SIGLEC7: variants seen among roughly 807,000 people sequenced by gnomAD.
SIGLEC7 encodes sialic acid binding Ig like lectin 7.
Under a neutral mutation model 40.8 loss-of-function variants are expected in SIGLEC7, and 33 were observed. That is an observed-to-expected ratio of 0.81 (90% CI 0.61 to 1.08). The LOEUF is 1.08. SIGLEC7 is among the 50% of genes least tolerant of loss of function. The pLI, the probability that SIGLEC7 is intolerant of heterozygous loss-of-function variation, is 0.00. For missense variants in SIGLEC7, 513 were observed against 576.1 expected (o/e 0.89, Z 1.12); for synonymous variants, 242 against 237.6 (o/e 1.02, Z -0.17).
At chr19:51,150,358 G>A (rs1050750683) in intron 6 of SIGLEC7, among the ~76,000 whole-genome samples, 7 of 152,164 alleles carry the variant, frequency 4.6e-5, no homozygotes, top group Non-Finnish European at 1.0e-4. Flanking sequence ...AACACGAAGC[G>A]ATGCTGAATT....
In SIGLEC7 at chr19:51,147,212, T is replaced by C. The variant is rs747091595; in HGVS notation, c.1125-9T>C. 2 of 1,611,936 alleles carry C rather than the reference T, an allele frequency of 1.2e-6. No homozygotes were observed. Among genetic ancestry groups the C allele is most frequent in the East Asian group, 4.5e-5 (2 of 44,790 alleles). ...CCACACTGAAAGGCTCTCTGGTCTCTTCACTCAGAGTGAGGTCCTGCAGGA... is the reference window on the plus strand; with the variant it reads ...CCACACTGAAAGGCTCTCTGGTCTCCTCACTCAGAGTGAGGTCCTGCAGGA... On this transcript the variant is annotated splice_polypyrimidine_tract_variant and intron_variant, in intron 5 of 6. Coordinates refer to ENST00000317643, the MANE Select transcript of SIGLEC7 (RefSeq NM_014385.4).
chr19:51,145,177 G>A lies in SIGLEC7; in HGVS notation c.760+218G>A, dbSNP rs1037461421. ...TTGCACACACACCCTCCTCAGCCCT[G>A]CAGCCAGGACAGGGGGAAATACATA... On this transcript the variant is annotated intron_variant, in intron 3 of 6. Transcript: ENST00000317643. The surrounding 1 kb of genome is among the most constrained non-coding windows in gnomAD (Gnocchi z 4.3). 2.0e-5 allele frequency among the ~76,000 whole-genome samples: 3 copies of A among 152,140 alleles called. No individual in the cohort carries two copies. The highest frequency in any genetic ancestry group is 4.1e-4 in the South Asian group (2 of 4,832).
chr19:51,153,497 A>G lies in SIGLEC7; in HGVS notation c.*252A>G. 3.4e-6 allele frequency: 1 copy of G among 291,952 alleles called. No homozygotes were observed. The highest frequency in any genetic ancestry group is 5.5e-5 in the East Asian group (1 of 18,298). The allele number at this position is 291,952 out of a possible 1,614,324, so 18.1% of individuals were successfully genotyped here. On this transcript the variant is annotated 3_prime_UTR_variant, in exon 7 of 7. Coordinates refer to ENST00000317643, the MANE Select transcript of SIGLEC7 (RefSeq NM_014385.4). ...GTACTTCTCTAAGGATGACTACTTTAGATTCCGAATATAGTGAGATTGTAA... is the reference window on the plus strand; with the variant it reads ...GTACTTCTCTAAGGATGACTACTTTGGATTCCGAATATAGTGAGATTGTAA...
intron 6 of SIGLEC7, among the ~76,000 whole-genome samples, chr19:51,149,001 C>T (rs922620979): frequency 1.3e-5 from 2 of 152,200 alleles, no homozygotes; most frequent in African/African-American, 2.4e-5. Context: ...CCTTTGCTCA[C>T]TTTTTAATGG....
At position 51,142,627 on chromosome 19, in the gene SIGLEC7, A is replaced by G. The variant is rs776820710; in HGVS notation, c.258A>G (p.Ala86=). 1 of 1,614,100 alleles carries G rather than the reference A, an allele frequency of 6.2e-7. No homozygotes were observed. Among genetic ancestry groups the G allele is most frequent in the African/African-American group, 1.3e-5 (1 of 74,934 alleles). ...TGGCCACAAACAACCCAGCTTGGGC[A>G]GTGCAGGAGGAAACTCGGGACCGAT... ...APVATNNPAW[A]VQEETRDRFH... Residue 86 remains alanine, a synonymous_variant, in exon 1 of 7, where the codon GCA becomes GCG. Coordinates refer to ENST00000317643, the MANE Select transcript of SIGLEC7 (RefSeq NM_014385.4). The surrounding 1 kb of genome is among the most constrained non-coding windows in gnomAD (Gnocchi z 5.0).
chr19:51,149,090 A>G (rs1040220092), intron 6 of SIGLEC7, among the ~76,000 whole-genome samples: 3 of 152,212 alleles, frequency 2.0e-5, no homozygotes, highest in African/African-American at 7.2e-5. Context: ...CATAGTTTGC[A>G]AGTATTTTCT....
At position 51,142,405 on chromosome 19, in the gene SIGLEC7, G is replaced by T. The variant is rs1422286644; in HGVS notation, c.36G>T (p.Gly12=). ...TGCTGCTGCTGCCCCTGCTCTGGGGGAGGGAGAGGGTGGAAGGACAGAAGA... is the reference window on the plus strand; with the variant it reads ...TGCTGCTGCTGCCCCTGCTCTGGGGTAGGGAGAGGGTGGAAGGACAGAAGA... The part of the protein sequence containing the change: ...LLLLLLPLLW[G]RERVEGQKSN... The change falls in exon 1 of 7, where the codon GGG becomes GGT. Residue 12 remains glycine (G), a synonymous_variant. Transcript: ENST00000317643. This position sits in a 1 kb window ranked among gnomAD's most constrained non-coding sequence, Gnocchi z 5.0. 6.8e-6 allele frequency: 11 copies of T among 1,613,972 alleles called. No individual in the cohort carries two copies. Among genetic ancestry groups the T allele is most frequent in the Admixed American group, 3.3e-5 (2 of 59,988 alleles).
chr19:51,144,668 C>T lies in SIGLEC7; in HGVS notation c.696C>T (p.Ile232=). ...CCGGCGTGACCACGAACAGGACCAT[C>T]CAACTCAATGTGTCCTGTGAGTGCT... ...PGAGVTTNRT[I]QLNVSYPPQN... is the part of the protein sequence containing the mutation. The change falls in exon 2 of 7, where the codon ATC becomes ATT. Residue 232 remains isoleucine, a synonymous_variant. Transcript: ENST00000317643. 6.2e-7 allele frequency: 1 copy of T among 1,613,556 alleles called. No individual in the cohort carries two copies. The highest frequency in any genetic ancestry group is 8.5e-7 in the Non-Finnish European group (1 of 1,179,942).
intron 2 of SIGLEC7, 111 bp from the exon 3 acceptor site, chr19:51,144,801 G>A: frequency 6.3e-7 from 1 of 1,577,142 alleles, no homozygotes; most frequent in Non-Finnish European, 8.7e-7. Context: ...GCTGGTTGTG[G>A]GATCAGGAGG....
At chr19:51,144,119 G>A (rs534562619) in intron 1 of SIGLEC7, 36 of 698,296 alleles carry the variant, frequency 5.2e-5, no homozygotes, top group South Asian at 4.6e-4. Context: ...CAGGAAGGGG[G>A]ATTTGAGGAA....
rs368772323 is a variant in SIGLEC7, at chr19:51,151,928, G to A, written c.1222-1135G>A. On this transcript the variant is annotated intron_variant, in intron 6 of 6. Transcript: ENST00000317643. ...AGCAGGGAAGGGCTGCGATGAAGGA[G>A]GACCCTCCCAGGCAGCCTCTGTCAC... Among the ~76,000 whole-genome samples the A allele has an allele frequency of 5.9e-5, 9 of 152,342 alleles. No homozygotes were observed. The South Asian group carries it at 1.9e-3, about 32-fold the overall frequency.
At position 51,145,095 on chromosome 19, in the gene SIGLEC7, C is replaced by A; in HGVS notation, c.760+136C>A. On this transcript the variant is annotated intron_variant, in intron 3 of 6. Coordinates refer to ENST00000317643, the MANE Select transcript of SIGLEC7 (RefSeq NM_014385.4). This position sits in a 1 kb window ranked among gnomAD's most constrained non-coding sequence, Gnocchi z 4.3. ...GTTGAACCCAGGCCTCCTCCCCATCCTTAGCCTCTGTGGCCACCTGAGCAC... is the reference window on the plus strand; with the variant it reads ...GTTGAACCCAGGCCTCCTCCCCATCATTAGCCTCTGTGGCCACCTGAGCAC... 1 of 845,260 alleles carries A rather than the reference C, an allele frequency of 1.2e-6. No individual in the cohort carries two copies. Among genetic ancestry groups the A allele is most frequent in the Non-Finnish European group, 2.0e-6 (1 of 510,614 alleles). The allele number at this position is 845,260 out of a possible 1,614,324, so 52.4% of individuals were successfully genotyped here. A position where few individuals can be genotyped will look rare whatever the true frequency, so the allele number is the denominator to read the frequency against.
At position 51,142,370 on chromosome 19, in the gene SIGLEC7, A is replaced by ATGCTGC. The variant is rs111848841; in HGVS notation, c.17_22dup (p.Leu6_Leu7dup). The ATGCTGC allele has an allele frequency of 3.5e-5, 57 of 1,612,522 alleles. No homozygotes were observed. Among genetic ancestry groups the ATGCTGC allele is most frequent in the African/African-American group, 3.2e-4 (24 of 74,982 alleles). On this transcript the variant is annotated inframe_insertion, in exon 1 of 7. Coordinates refer to ENST00000317643, the MANE Select transcript of SIGLEC7 (RefSeq NM_014385.4). This position sits in a 1 kb window ranked among gnomAD's most constrained non-coding sequence, Gnocchi z 5.0. ...GGCCCTGGCACCTCCAACCCCAGAT[A>ATGCTGC]TGCTGCTGCTGCTGCTGCTGCCCCT...
rs112938720 is a variant in SIGLEC7, at chr19:51,146,941, T to C, written c.1124+91T>C. ...GAAGCCAGAGCTGGAAGGGACTGCA[T>C]GGGTCAAGAGCTTGGGGCAAGAATG... is the stretch of plus-strand genomic sequence containing the variant. On this transcript the variant is annotated intron_variant, in intron 5 of 6. Coordinates refer to ENST00000317643, the MANE Select transcript of SIGLEC7 (RefSeq NM_014385.4). The C allele has an allele frequency of 1.7e-3, 2,218 of 1,327,580 alleles. 36 individuals are homozygous for C. The African/African-American group carries it at 0.029, about 17-fold the overall frequency. The allele number at this position is 1,327,580 out of a possible 1,614,324, so 82.2% of individuals were successfully genotyped here. A position where few individuals can be genotyped will look rare whatever the true frequency, so the allele number is the denominator to read the frequency against.
At chr19:51,147,402 G>C in intron 6 of SIGLEC7, 85 bp downstream of exon 6, 1 of 1,181,038 alleles carries the variant, frequency 8.5e-7, no homozygotes, top group Non-Finnish European at 1.2e-6. Context: ...TGCTTATCAT[G>C]GCCAAAATTA....
Position 51,144,856 on chromosome 19 carries a change from G to T in SIGLEC7, c.713-56G>T, listed in dbSNP as rs545332379. 12 of 1,600,480 alleles carry T rather than the reference G, an allele frequency of 7.5e-6. No individual in the cohort carries two copies. In the East Asian group the frequency reaches 2.2e-4, roughly 30 times the overall value. ...CATTTATGCAGCTCCTGGGGAGACAGGGCCAGTGTCCCCAGCCCTCACAGT... is the reference window on the plus strand; with the variant it reads ...CATTTATGCAGCTCCTGGGGAGACATGGCCAGTGTCCCCAGCCCTCACAGT... On this transcript the variant is annotated intron_variant, in intron 2 of 6. Transcript: ENST00000317643.
chr19:51,147,303 G>C lies in SIGLEC7; in HGVS notation c.1207G>C (p.Gly403Arg), dbSNP rs2092115909. 1 of 1,610,356 alleles carries C rather than the reference G, an allele frequency of 6.2e-7. No homozygotes were observed. ...CATGAAGGATGCAAACACCATCAGG[G>C]GCTCAGCCTCTCAGGTGAGTGATAT... The part of the protein sequence containing the change: ...IGMKDANTIR[G>R]SASQGNLTES... The change falls in exon 6 of 7, where the codon GGC becomes CGC. Residue 403 changes from glycine (G) to arginine (R), a missense_variant. Gly to Arg is a moderately radical substitution (Grantham distance 125). Coordinates refer to ENST00000317643, the MANE Select transcript of SIGLEC7 (RefSeq NM_014385.4).
chr19:51,150,362 C>G (rs778391281), intron 6 of SIGLEC7, among the ~76,000 whole-genome samples: 3 of 152,142 alleles, frequency 2.0e-5, no homozygotes, highest in Admixed American at 2.0e-4. Flanking sequence ...CGAAGCGATG[C>G]TGAATTTTAT....
chr19:51,145,796 A>G lies in SIGLEC7; in HGVS notation c.761-59A>G. Reference sequence around the variant, plus strand: ...GTTCCATTCCCCAGTCTCATTCTGTATCCTTCCTCCCTGTTTCAATCACTT... The same window carrying G: ...GTTCCATTCCCCAGTCTCATTCTGTGTCCTTCCTCCCTGTTTCAATCACTT... On this transcript the variant is annotated intron_variant, in intron 3 of 6. Transcript: ENST00000317643. The surrounding 1 kb of genome is among the most constrained non-coding windows in gnomAD (Gnocchi z 4.3). 4 of 1,586,218 alleles carry G rather than the reference A, an allele frequency of 2.5e-6. No individual in the cohort carries two copies. The highest frequency in any genetic ancestry group is 3.5e-6 in the Non-Finnish European group (4 of 1,159,054).
Sources: gnomAD v4.1 joint callset for allele counts (sites outside exome capture counted in the v4.1 genomes callset) on GRCh38, gnomAD v4.1.1 for gene constraint, Gnocchi (gnomAD v3.1) non-coding constraint, MANE v1.5 for transcripts, NCBI Gene and HGNC (gene_info 2026-07-23, HGNC 2026-07-21) for gene names.